DENND11: variants seen among roughly 807,000 people sequenced by gnomAD.
DENND11 encodes DENN domain containing 11.
A neutral mutation model predicts 49.2 loss-of-function variants in DENND11; 34 were observed. The observed-to-expected ratio is 0.69, with a 90% CI of 0.53 to 0.92. The LOEUF is 0.92. Among genes scored for constraint, DENND11 ranks in the 40% least tolerant of loss-of-function variants. DENND11 has a pLI of 0.00. For missense variants in DENND11, 475 were observed against 581.6 expected, an observed-to-expected ratio of 0.82 and a Z score of 1.88; for synonymous variants, 238 against 230.3, an observed-to-expected ratio of 1.03 and a Z score of -0.30.
Position 141,684,767 on chromosome 7 carries a change from C to T in DENND11, c.527+711G>A, listed in dbSNP as rs867826164. Among the ~76,000 whole-genome samples, 11 of 151,934 alleles carry T rather than the reference C, an allele frequency of 7.2e-5. 1 individual carries two copies. Among genetic ancestry groups the T allele is most frequent in the Middle Eastern group, 3.4e-3 (1 of 294 alleles). ...CAGAAAAGAAGTGGTAACATTTTGT[C>T]AGTGCTTCAGGGATTAGGGATAAAT... On this transcript the variant is annotated intron_variant, in intron 3 of 8. Coordinates refer to ENST00000536163, the MANE Select transcript of DENND11 (RefSeq NM_001080392.2).
intron 4 of DENND11, among the ~76,000 whole-genome samples, chr7:141,668,084 A>G (rs1426737212): frequency 2.6e-5 from 4 of 152,168 alleles, no homozygotes; most frequent in Non-Finnish European, 5.9e-5. Flanking sequence ...CAAGCTCCCA[A>G]CTTGTTCTTC....
Position 141,658,471 on chromosome 7 carries a change from G to A in DENND11, c.*4185C>T, listed in dbSNP as rs1461149980. ...TCACCTCGGTCTAACTACAAGGTACGGGGAGAAGACAGGAGGGCTGGCCAT... is the reference window on the plus strand; with the variant it reads ...TCACCTCGGTCTAACTACAAGGTACAGGGAGAAGACAGGAGGGCTGGCCAT... On this transcript the variant is annotated 3_prime_UTR_variant, in exon 9 of 9. Transcript: ENST00000536163. 1 of 152,202 alleles carries A rather than the reference G, an allele frequency of 6.6e-6. No individual in the cohort carries two copies. Among genetic ancestry groups the A allele is most frequent in the Non-Finnish European group, 1.5e-5 (1 of 68,052 alleles). 9.4% of individuals were successfully genotyped at this position (152,202 alleles called of 1,614,324 possible). A position where few individuals can be genotyped will look rare whatever the true frequency, so the allele number is the denominator to read the frequency against.
At chr7:141,666,557 T>C (rs765206739) in intron 4 of DENND11, 132 bp from the exon 5 acceptor site, 32 of 844,380 alleles carry the variant, frequency 3.8e-5, no homozygotes, top group Non-Finnish European at 5.5e-5. Flanking sequence ...GGATGCTTAT[T>C]TCCACACACA....
chr7:141,697,712 C>G (rs1480661609), intron 1 of DENND11, among the ~76,000 whole-genome samples: 2 of 152,038 alleles, frequency 1.3e-5, no homozygotes, highest in African/African-American at 2.4e-5. Context: ...CCAGACCTAG[C>G]CCTATTCTCA....
chr7:141,684,230 C>T (rs1798194995), intron 3 of DENND11, among the ~76,000 whole-genome samples: 1 of 152,202 alleles, frequency 6.6e-6, no homozygotes, highest in Non-Finnish European at 1.5e-5. Context: ...AGCCACCATT[C>T]CTGATCAATT....
intron 1 of DENND11, among the ~76,000 whole-genome samples, chr7:141,699,330 C>T (rs1798467986): frequency 6.6e-6 from 1 of 152,150 alleles, no homozygotes; most frequent in Non-Finnish European, 1.5e-5. Context: ...CAGGCACTCT[C>T]TGAGGGCCCT....
intron 1 of DENND11, among the ~76,000 whole-genome samples, chr7:141,696,053 C>T (rs1049160646): frequency 2.6e-5 from 4 of 152,202 alleles, no homozygotes; most frequent in East Asian, 1.9e-4. Flanking sequence ...TAACCGACTA[C>T]GAGGCTGGCA....
chr7:141,674,563 A>G (rs976756211), intron 3 of DENND11, among the ~76,000 whole-genome samples: 3 of 152,208 alleles, frequency 2.0e-5, no homozygotes, highest in African/African-American at 7.2e-5. Flanking sequence ...CACTTCCCAG[A>G]GAATGGCTGC....
chr7:141,689,710 A>G (rs1798295174), intron 1 of DENND11, among the ~76,000 whole-genome samples: 1 of 152,260 alleles, frequency 6.6e-6, no homozygotes, highest in African/African-American at 2.4e-5. Context: ...CATTATTTGT[A>G]CAACAGAAAC....
At chr7:141,685,776 T>G in intron 2 of DENND11, 140 bp from the exon 3 acceptor site, 2 of 858,490 alleles carry the variant, frequency 2.3e-6, no homozygotes, top group African/African-American at 3.4e-5. Flanking sequence ...CCAAGCCACA[T>G]GACCTCACTG....
intron 4 of DENND11, among the ~76,000 whole-genome samples, chr7:141,671,499 C>T (rs987529105): frequency 6.6e-6 from 1 of 152,114 alleles, no homozygotes; most frequent in African/African-American, 2.4e-5. Context: ...GATGTGCTGA[C>T]ATATTGTTTT....
At chr7:141,688,323 G>C (rs1274979019) in intron 1 of DENND11, among the ~76,000 whole-genome samples, 2 of 152,174 alleles carry the variant, frequency 1.3e-5, no homozygotes, top group African/African-American at 4.8e-5. Context: ...AATGATCCCA[G>C]CCAAACAACG....
chr7:141,700,389 G>A (rs368902392), intron 1 of DENND11, among the ~76,000 whole-genome samples: 187 of 150,438 alleles, frequency 1.2e-3, no homozygotes, highest in African/African-American at 4.4e-3. Context: ...TCTCAAATGC[G>A]AGTCAACCAG....
At chr7:141,671,386 A>T (rs947282293) in intron 4 of DENND11, among the ~76,000 whole-genome samples, 1 of 152,210 alleles carries the variant, frequency 6.6e-6, no homozygotes, top group Admixed American at 6.5e-5. Flanking sequence ...CATGTTGGCC[A>T]GGCTGGTCTC....
chr7:141,700,183 A>C (rs1798484628), intron 1 of DENND11, among the ~76,000 whole-genome samples: 1 of 152,212 alleles, frequency 6.6e-6, no homozygotes. Context: ...GACCGTGTGA[A>C]TGTGCCCTTT....
chr7:141,677,390 CAAA>C lies in DENND11; in HGVS notation c.528-3173_528-3171del, dbSNP rs57034632. Among the ~76,000 whole-genome samples, 1,197 of 121,718 alleles carry C rather than the reference CAAA, an allele frequency of 9.8e-3. 20 individuals carry two copies. Among genetic ancestry groups the C allele is most frequent in the African/African-American group, 0.031 (965 of 31,556 alleles). 79.9% of individuals were successfully genotyped at this position (121,718 alleles called of 152,430 possible). A position where few individuals can be genotyped will look rare whatever the true frequency, so the allele number is the denominator to read the frequency against. ...GGGTGACAGAGCGAGACTCTTGTCTCAAAAAAAAAAAAATATATATATATATAT... is the reference window on the plus strand; with the variant it reads ...GGGTGACAGAGCGAGACTCTTGTCTCAAAAAAAAAATATATATATATATAT... On this transcript the variant is annotated intron_variant, in intron 3 of 8. Transcript: ENST00000536163.
chr7:141,681,364 G>A (rs183968227), intron 3 of DENND11, among the ~76,000 whole-genome samples: 1 of 152,176 alleles, frequency 6.6e-6, no homozygotes. Context: ...AACAATTTGG[G>A]ACCCCACAGG....
At position 141,662,608 on chromosome 7, in the gene DENND11, G is replaced by A; in HGVS notation, c.*48C>T. 1 of 1,428,866 alleles carries A rather than the reference G, an allele frequency of 7.0e-7. No homozygotes were observed. The highest frequency in any genetic ancestry group is 9.3e-7 in the Non-Finnish European group (1 of 1,072,330). The allele number at this position is 1,428,866 out of a possible 1,614,324, so 88.5% of individuals were successfully genotyped here. ...CTCTGGGGCCCTGGGGTGAACTCCG[G>A]GCTGCTGACATCCCACGTGAAGTGG... is the stretch of plus-strand genomic sequence containing the variant. On this transcript the variant is annotated 3_prime_UTR_variant, in exon 9 of 9. Coordinates refer to ENST00000536163, the MANE Select transcript of DENND11 (RefSeq NM_001080392.2).
intron 3 of DENND11, among the ~76,000 whole-genome samples, chr7:141,677,335 C>T (rs4726464): frequency 3.5e-4 from 51 of 147,632 alleles, no homozygotes; most frequent in Admixed American, 3.2e-3. Context: ...TGCAGTGAAC[C>T]GAGAGAGATC....
Sources: gnomAD v4.1 joint callset for allele counts (sites outside exome capture counted in the v4.1 genomes callset) on GRCh38, gnomAD v4.1.1 for gene constraint, MANE v1.5 for transcripts, NCBI Gene and HGNC (gene_info 2026-07-23, HGNC 2026-07-21) for gene names.